Variants in LRRC7 observed in about 807,000 individuals in gnomAD.
LRRC7 encodes the protein leucine rich repeat containing 7, also known as leucine-rich repeat-containing protein 7.
A neutral mutation model predicts 175.7 loss-of-function variants in LRRC7; 23 were observed. That is an observed-to-expected ratio of 0.13 (90% CI 0.09 to 0.19). The LOEUF is 0.19. Ranked by LOEUF, LRRC7 falls within the 10% of genes least tolerant of loss-of-function variation. The pLI, the probability that LRRC7 is intolerant of heterozygous loss-of-function variation, is 1.00. For missense variants in LRRC7, 1,354 were observed against 1,904.7 expected, an observed-to-expected ratio of 0.71 and a Z score of 5.38; for synonymous variants, 685 against 680.9, an observed-to-expected ratio of 1.01 and a Z score of -0.09.
intron 3 of LRRC7, among the ~76,000 whole-genome samples, chr1:69,775,507 G>A (rs1672715911): frequency 6.6e-6 from 1 of 152,136 alleles, no homozygotes; most frequent in Admixed American, 6.5e-5. Flanking sequence ...GGCACTCTTA[G>A]AAAGTCAGGC....
At position 70,082,215 on chromosome 1, in the gene LRRC7, G is replaced by T. The variant is rs528884014; in HGVS notation, c.4452+5917G>T. Reference sequence around the variant, plus strand: ...AGTGGTGTAAGAAGAAACATTTGGAGATATTTGTTTTATTTAAATTATAAA... The same window carrying T: ...AGTGGTGTAAGAAGAAACATTTGGATATATTTGTTTTATTTAAATTATAAA... On this transcript the variant is annotated intron_variant, in intron 24 of 26. Coordinates refer to ENST00000651989, the MANE Select transcript of LRRC7 (RefSeq NM_001370785.2). Among the ~76,000 whole-genome samples the T allele has an allele frequency of 7.9e-5, 12 of 152,256 alleles. No homozygotes were observed. The South Asian group carries it at 1.7e-3, about 21-fold the overall frequency.
intron 16 of LRRC7, 115 bp from the exon 17 acceptor site, chr1:70,023,011 T>A: frequency 7.9e-7 from 1 of 1,264,464 alleles, no homozygotes; most frequent in Non-Finnish European, 1.1e-6. Flanking sequence ...TTATGATCAT[T>A]ATTTTAAATG....
rs1306329480 is a variant in LRRC7 at position 70,122,406 on chromosome 1, AT to A, written c.*520del. 1 of 152,224 alleles carries A rather than the reference AT, an allele frequency of 6.6e-6. No homozygotes were observed. Among genetic ancestry groups the A allele is most frequent in the African/African-American group, 2.4e-5 (1 of 41,458 alleles). The allele number at this position is 152,224 out of a possible 1,614,324, so 9.4% of individuals were successfully genotyped here. ...ACTAAACATCTCAGATAGAGAAAAA[AT>A]ATATCTTAAAATAAGACTTTACTAT... On this transcript the variant is annotated 3_prime_UTR_variant, in exon 27 of 27. Transcript: ENST00000651989.
chr1:70,037,397 A>G (rs1199990972), intron 20 of LRRC7, among the ~76,000 whole-genome samples: 1 of 152,226 alleles, frequency 6.6e-6, no homozygotes, highest in Non-Finnish European at 1.5e-5. Context: ...TTGTAAATTC[A>G]TTATTTGCAT....
intron 24 of LRRC7, among the ~76,000 whole-genome samples, chr1:70,088,574 A>G (rs1411008881): frequency 6.6e-6 from 1 of 152,146 alleles, no homozygotes; most frequent in Non-Finnish European, 1.5e-5. Flanking sequence ...AAATAAGTAA[A>G]TAATAAAAAA....
intron 26 of LRRC7, among the ~76,000 whole-genome samples, chr1:70,111,403 A>G (rs1423288049): frequency 6.6e-6 from 1 of 152,312 alleles, no homozygotes; most frequent in East Asian, 1.9e-4. Flanking sequence ...AGTGTGGCAT[A>G]TGGAAAGAGC....
chr1:69,832,870 C>T (rs1283559198), intron 5 of LRRC7, among the ~76,000 whole-genome samples: 1 of 151,976 alleles, frequency 6.6e-6, no homozygotes, highest in Admixed American at 6.6e-5. Context: ...TTTGGGAGGC[C>T]GAGGTGGGTG....
intron 23 of LRRC7, among the ~76,000 whole-genome samples, chr1:70,056,300 A>G (rs373310904): frequency 8.5e-5 from 13 of 152,314 alleles, no homozygotes; most frequent in East Asian, 3.9e-4. Context: ...CATAGGAAGA[A>G]TAGGCAGAAA....
At chr1:69,681,478 G>A (rs754093233) in intron 2 of LRRC7, among the ~76,000 whole-genome samples, 13 of 152,044 alleles carry the variant, frequency 8.6e-5, no homozygotes, top group Admixed American at 4.6e-4. Context: ...TACAATATTT[G>A]CAATGTTAAA....
intron 4 of LRRC7, among the ~76,000 whole-genome samples, chr1:69,808,079 T>A (rs1182428615): frequency 1.3e-5 from 2 of 151,702 alleles, no homozygotes; most frequent in Non-Finnish European, 2.9e-5. Flanking sequence ...TTTCTTCTGC[T>A]TGATCAATTC....
At chr1:69,919,942 C>T (rs3738121) in intron 7 of LRRC7, 34,004 of 609,632 alleles carry the variant, frequency 0.056, 1,467 homozygotes, top group East Asian at 0.19. Context: ...TTATTGTTAC[C>T]AAAATGGCTG....
intron 1 of LRRC7, among the ~76,000 whole-genome samples, chr1:69,638,105 T>C (rs961769179): frequency 6.6e-6 from 1 of 151,888 alleles, no homozygotes; most frequent in Admixed American, 6.6e-5. Flanking sequence ...TCTTAGAGAA[T>C]AGCCAAGTTT....
rs940834363 is a variant in LRRC7 at position 69,568,561 on chromosome 1, C to G, written c.-79C>G. On this transcript the variant is annotated 5_prime_UTR_variant, in exon 1 of 27. Coordinates refer to ENST00000651989, the MANE Select transcript of LRRC7 (RefSeq NM_001370785.2). ...CTGGCGCCCACTCCACTGCGGACCC[C>G]TGAACACTTAAGGAATAACCCTTGG... 2 of 1,322,248 alleles carry G rather than the reference C, an allele frequency of 1.5e-6. No homozygotes were observed. The highest frequency in any genetic ancestry group is 2.1e-5 in the Admixed American group (1 of 48,572). 81.9% of individuals were successfully genotyped at this position (1,322,248 alleles called of 1,614,324 possible).
At chr1:70,084,486 C>G (rs1458129262) in intron 24 of LRRC7, among the ~76,000 whole-genome samples, 1 of 152,144 alleles carries the variant, frequency 6.6e-6, no homozygotes, top group Non-Finnish European at 1.5e-5. Context: ...GTATTTCATT[C>G]TTTGTCATTG....
intron 23 of LRRC7, among the ~76,000 whole-genome samples, chr1:70,056,414 G>A (rs571465268): frequency 1.3e-5 from 2 of 152,282 alleles, no homozygotes; most frequent in African/African-American, 4.8e-5. Context: ...AACATAAGAA[G>A]TAGTTGAGAT....
At chr1:69,685,204 C>A (rs1166258568) in intron 2 of LRRC7, among the ~76,000 whole-genome samples, 1 of 152,140 alleles carries the variant, frequency 6.6e-6, no homozygotes, top group African/African-American at 2.4e-5. Flanking sequence ...AACTAAAGCC[C>A]ACAAAATTAG....
chr1:69,916,170 TA>T (rs1646701001), intron 7 of LRRC7, among the ~76,000 whole-genome samples: 2 of 142,036 alleles, frequency 1.4e-5, no homozygotes, highest in African/African-American at 5.2e-5. Flanking sequence ...ATTTTATATA[TA>T]TAATATATAT....
intron 7 of LRRC7, among the ~76,000 whole-genome samples, chr1:69,921,283 C>T (rs768831850): frequency 9.9e-5 from 15 of 152,010 alleles, no homozygotes; most frequent in Non-Finnish European, 1.9e-4. Context: ...TTTTATTCCT[C>T]GAGTCTTTAT....
chr1:70,039,558 C>G lies in LRRC7; in HGVS notation c.3734C>G (p.Thr1245Arg), dbSNP rs1182565343. The G allele has an allele frequency of 6.2e-7, 1 of 1,614,150 alleles. No homozygotes were observed. The highest frequency in any genetic ancestry group is 8.5e-7 in the Non-Finnish European group (1 of 1,180,026). The change falls in exon 21 of 27, where the codon ACA becomes AGA. Residue 1245 changes from threonine to arginine, a missense_variant. This residue lies in a region of LRRC7 where 1,032 missense variants were observed against 1,227.2 expected (regional missense o/e 0.84). Coordinates refer to ENST00000651989, the MANE Select transcript of LRRC7 (RefSeq NM_001370785.2). ...RRPLSARSYS[T>R]ESYGASQTRP... Reference sequence around the variant, plus strand: ...CCATTGTCTGCGAGAAGCTACAGTACAGAGAGTTACGGTGCCTCCCAAACC... The same window carrying G: ...CCATTGTCTGCGAGAAGCTACAGTAGAGAGAGTTACGGTGCCTCCCAAACC...
Sources: allele counts gnomAD v4.1 joint callset (sites outside exome capture counted in the v4.1 genomes callset), GRCh38; gene constraint gnomAD v4.1.1; regional missense constraint gnomAD v4.1.1; transcripts MANE v1.5; gene names NCBI Gene and HGNC (gene_info 2026-07-23, HGNC 2026-07-21).